Variants in EHMT1 observed in about 807,000 individuals in gnomAD.
EHMT1 encodes euchromatic histone lysine methyltransferase 1.
A neutral mutation model predicts 147.2 loss-of-function variants in EHMT1; 15 were observed. The ratio of observed to expected loss-of-function variants is 0.10; its 90% CI spans 0.07 to 0.16. The LOEUF (loss-of-function observed/expected upper bound fraction) is 0.16. Among genes scored for constraint, EHMT1 ranks in the 10% least tolerant of loss-of-function variants. EHMT1 has a pLI of 1.00. For synonymous variants in EHMT1, 795 were observed against 709.6 expected, an observed-to-expected ratio of 1.12 and a Z score of -1.91; for missense variants, 1,587 against 1,772.4, an observed-to-expected ratio of 0.90 and a Z score of 1.88.
chr9:137,784,341 C>A, intron 15 of EHMT1: 1 of 1,288,844 alleles, frequency 7.8e-7, no homozygotes. Flanking sequence ...GGCCCAGCCT[C>A]AAAACCTCAT....
chr9:137,719,418 C>G (rs1012374488), intron 3 of EHMT1, among the ~76,000 whole-genome samples: 1 of 152,102 alleles, frequency 6.6e-6, no homozygotes, highest in Non-Finnish European at 1.5e-5. Flanking sequence ...CTCAGGGGCC[C>G]ACAGCTGCTG....
At chr9:137,817,955 TG>T in intron 24 of EHMT1, 104 bp from the exon 25 acceptor site, 1 of 1,069,598 alleles carries the variant, frequency 9.3e-7, no homozygotes, top group South Asian at 1.3e-5. Context: ...CATGTTCTTC[TG>T]GTGTGCCCTG....
At chr9:137,644,278 G>A (rs1844724173) in intron 1 of EHMT1, among the ~76,000 whole-genome samples, 1 of 152,072 alleles carries the variant, frequency 6.6e-6, no homozygotes, top group South Asian at 2.1e-4. Context: ...AACTGGAAGT[G>A]TTTGGAAACT....
intron 1 of EHMT1, among the ~76,000 whole-genome samples, chr9:137,689,923 G>A (rs573407967): frequency 7.9e-5 from 12 of 152,310 alleles, no homozygotes; most frequent in Admixed American, 7.8e-4. Flanking sequence ...GAGTAGACGC[G>A]TGGAGATGAG....
chr9:137,777,963 A>G lies in EHMT1; in HGVS notation c.2100A>G (p.Gly700=). The G allele has an allele frequency of 6.2e-7, 1 of 1,613,724 alleles. No homozygotes were observed. The change falls in exon 13 of 27, where the codon GGA becomes GGG. Residue 700 remains glycine (G), a synonymous_variant. Transcript: ENST00000460843. ...TGCCCGAGGGCTTTGATCCAACGGG[A>G]CCTGCTGGGCTTGGGAGGCCAACTC... ...SHVPEGFDPT[G]PAGLGRPTPG...
intron 10 of EHMT1, among the ~76,000 whole-genome samples, chr9:137,771,746 A>G (rs1363057764): frequency 1.3e-5 from 2 of 152,262 alleles, no homozygotes; most frequent in African/African-American, 4.8e-5. Flanking sequence ...TTGTCTGTTC[A>G]TGCTTGCTCG....
chr9:137,668,471 A>C (rs1054599341), intron 1 of EHMT1, among the ~76,000 whole-genome samples: 2 of 152,060 alleles, frequency 1.3e-5, no homozygotes, highest in Admixed American at 1.3e-4. Flanking sequence ...CCATCTATTC[A>C]CCAACCATCA....
intron 1 of EHMT1, among the ~76,000 whole-genome samples, chr9:137,674,111 C>T (rs780894342): frequency 2.6e-5 from 4 of 152,134 alleles, no homozygotes; most frequent in African/African-American, 7.2e-5. Context: ...GGCAGGGAGA[C>T]GTTCTAAAAC....
intron 1 of EHMT1, among the ~76,000 whole-genome samples, chr9:137,636,969 C>G (rs1304368315): frequency 6.7e-6 from 1 of 148,232 alleles, no homozygotes; most frequent in East Asian, 2.0e-4. Flanking sequence ...GCGATGTCAG[C>G]TCACTGCAAG....
At chr9:137,816,869 C>T (rs1046683232) in intron 23 of EHMT1, 3 of 184,750 alleles carry the variant, frequency 1.6e-5, no homozygotes, top group Admixed American at 5.4e-5. Context: ...TGGGCAGACG[C>T]GAGGCACGTG....
At chr9:137,729,341 C>T (rs1588414871) in intron 4 of EHMT1, among the ~76,000 whole-genome samples, 2 of 152,166 alleles carry the variant, frequency 1.3e-5, no homozygotes, top group Admixed American at 1.3e-4. Context: ...GTAATCCCAG[C>T]ACTTTGGGAG....
intron 15 of EHMT1, among the ~76,000 whole-genome samples, chr9:137,789,873 G>T (rs1004065659): frequency 7.2e-5 from 11 of 152,230 alleles, no homozygotes; most frequent in African/African-American, 2.7e-4. Context: ...GGGATTACAG[G>T]CGCCAGGCAC....
At chr9:137,766,809 T>TTA (rs1950249184) in intron 10 of EHMT1, among the ~76,000 whole-genome samples, 1 of 152,156 alleles carries the variant, frequency 6.6e-6, no homozygotes, top group African/African-American at 2.4e-5. Context: ...GATTTGCTCT[T>TTA]TTAATAAAGA....
intron 4 of EHMT1, among the ~76,000 whole-genome samples, chr9:137,740,175 A>C (rs1245083510): frequency 4.9e-5 from 7 of 143,392 alleles, no homozygotes; most frequent in East Asian, 4.2e-4. Context: ...GGCAGTGCCC[A>C]CCCCCACCCC....
intron 18 of EHMT1, among the ~76,000 whole-genome samples, chr9:137,804,070 C>T (rs1291136098): frequency 1.3e-5 from 2 of 152,130 alleles, no homozygotes; most frequent in African/African-American, 4.8e-5. Flanking sequence ...TACATGGTGG[C>T]AGGAGAGATT....
intron 1 of EHMT1, among the ~76,000 whole-genome samples, chr9:137,623,522 C>T (rs1382684678): frequency 6.6e-6 from 1 of 151,910 alleles, no homozygotes; most frequent in South Asian, 2.1e-4. Context: ...TCAAGCGATT[C>T]TCCTGCCTCA....
At chr9:137,653,981 AG>A (rs35293627) in intron 1 of EHMT1, among the ~76,000 whole-genome samples, 32 of 152,354 alleles carry the variant, frequency 2.1e-4, no homozygotes, top group African/African-American at 7.7e-4. Context: ...GGTATGAAGC[AG>A]GGGTCCATCT....
intron 18 of EHMT1, among the ~76,000 whole-genome samples, chr9:137,805,427 AAGTC>A (rs1953867323): frequency 6.6e-6 from 1 of 152,130 alleles, no homozygotes; most frequent in African/African-American, 2.4e-5. Flanking sequence ...CATGTGTGTA[AAGTC>A]AGTCGTCCAG....
intron 6 of EHMT1, chr9:137,747,094 G>A (rs1227366959): frequency 2.0e-5 from 3 of 152,150 alleles, no homozygotes; most frequent in African/African-American, 7.2e-5. Flanking sequence ...GGAAAAGTAC[G>A]CTAGCCCATT....
Sources: gnomAD v4.1 joint callset for allele counts (sites outside exome capture counted in the v4.1 genomes callset) on GRCh38, gnomAD v4.1.1 for gene constraint, MANE v1.5 for transcripts, NCBI Gene and HGNC (gene_info 2026-07-23, HGNC 2026-07-21) for gene names.